Variants in CRYBG3 observed in about 807,000 individuals in gnomAD.
The protein encoded by CRYBG3 is very large A-kinase anchor protein.
In CRYBG3, 127 loss-of-function variants were observed where a neutral mutation model predicts 244.2. The observed-to-expected ratio is 0.52, with a 90% CI of 0.45 to 0.60. The LOEUF (loss-of-function observed/expected upper bound fraction) is 0.60, where lower values mean the gene tolerates loss of function less well. Among genes scored for constraint, CRYBG3 ranks in the 20% least tolerant of loss-of-function variants. CRYBG3 has a pLI of 0.00. For synonymous variants in CRYBG3, 1,132 were observed against 1,195.8 expected (o/e 0.95, Z 1.10); for missense variants, 3,325 against 3,442.5 (o/e 0.97, Z 0.85).
chr3:97,841,250 G>A (rs2038810559), intron 1 of CRYBG3, among the ~76,000 whole-genome samples: 1 of 141,396 alleles, frequency 7.1e-6, no homozygotes, highest in East Asian at 2.0e-4. Flanking sequence ...ATACATATAT[G>A]TATATATGTG....
chr3:97,942,786 T>TA (rs2040260181), intron 21 of CRYBG3: 1 of 225,504 alleles, frequency 4.4e-6, no homozygotes, highest in South Asian at 1.1e-4. Context: ...CCATGGTCCT[T>TA]AAAAACCCTC....
chr3:97,942,319 G>C lies in CRYBG3; in HGVS notation c.8700G>C (p.Arg2900=). ...CATGTCTTGATGTGATTGGTGGCCG[G>C]GACACACCTGGAGCTAAAGTAGCTC... ...SDTCLDVIGG[R]DTPGAKVALW... is the part of the protein sequence containing the mutation. The change falls in exon 21 of 22, where the codon CGG becomes CGC. Residue 2900 remains arginine (R), a synonymous_variant. Transcript: ENST00000389622. 6.2e-7 allele frequency: 1 copy of C among 1,611,124 alleles called. No homozygotes were observed. The highest frequency in any genetic ancestry group is 8.5e-7 in the Non-Finnish European group (1 of 1,178,244).
At chr3:97,896,793 A>G (rs1344890167) in intron 12 of CRYBG3, among the ~76,000 whole-genome samples, 2 of 152,152 alleles carry the variant, frequency 1.3e-5, no homozygotes, top group Admixed American at 1.3e-4. Context: ...TACAATGTGA[A>G]GGACAGCCCC....
At chr3:97,862,090 GT>G (rs5851082) in intron 2 of CRYBG3, among the ~76,000 whole-genome samples, 2 of 150,502 alleles carry the variant, frequency 1.3e-5, no homozygotes, top group African/African-American at 2.4e-5. Context: ...GGAGAAACAA[GT>G]TTTTTTTTTA....
intron 2 of CRYBG3, among the ~76,000 whole-genome samples, chr3:97,851,744 A>G (rs1477147079): frequency 6.6e-6 from 1 of 152,198 alleles, no homozygotes. Context: ...CAAGACCTTG[A>G]AGGCAATGCC....
rs2040270774 is a variant in CRYBG3, at chr3:97,943,210, G to A, written c.8825-16G>A. 6.9e-7 allele frequency: 1 copy of A among 1,439,528 alleles called. No individual in the cohort carries two copies. The highest frequency in any genetic ancestry group is 9.7e-7 in the Non-Finnish European group (1 of 1,032,278). The allele number at this position is 1,439,528 out of a possible 1,614,324, so 89.2% of individuals were successfully genotyped here. A position where few individuals can be genotyped will look rare whatever the true frequency, so the allele number is the denominator to read the frequency against. ...GCCTGAACAAATAATCTTTTCTTTT[G>A]GAATTTCTATTTTAGGAGGAAATTA... is the stretch of plus-strand genomic sequence containing the variant. On this transcript the variant is annotated splice_polypyrimidine_tract_variant and intron_variant, in intron 21 of 21. Coordinates refer to ENST00000389622, the MANE Select transcript of CRYBG3 (RefSeq NM_153605.4).
rs2039356609 is a variant in CRYBG3 at position 97,875,224 on chromosome 3, C to T, written c.4030C>T (p.Leu1344=). ...ACTTCAGGCTAATACTTCAAAAATT[C>T]TGAACAGTGATAGTGTTAAGCCACA... The part of the protein sequence containing the change: ...SELQANTSKI[L]NSDSVKPHDV... The change falls in exon 4 of 22, where the codon CTG becomes TTG. Residue 1344 remains leucine (L), a synonymous_variant. Transcript: ENST00000389622. The T allele has an allele frequency of 1.5e-5, 23 of 1,531,282 alleles. No homozygotes were observed. The highest frequency in any genetic ancestry group is 2.0e-5 in the Non-Finnish European group (23 of 1,145,162). 94.9% of individuals were successfully genotyped at this position (1,531,282 alleles called of 1,614,324 possible).
chr3:97,934,240 A>T (rs1173663158), intron 18 of CRYBG3, among the ~76,000 whole-genome samples: 1 of 152,102 alleles, frequency 6.6e-6, no homozygotes, highest in East Asian at 1.9e-4. Flanking sequence ...CATTTAGGTT[A>T]TCAGTCAGTC....
rs569177704 is a variant in CRYBG3 at position 97,864,462 on chromosome 3, G to A, written c.462G>A (p.Lys154=). Residue 154 remains lysine (K), a synonymous_variant, in exon 3 of 22, where the codon AAG becomes AAA. Transcript: ENST00000389622. The stretch of plus-strand genomic sequence containing the variant: ...AAGATGACCAGGATAAAACTGAGAA[G>A]GATTTACAAAATCCCAGTGACCATC... ...SFKDDQDKTE[K]DLQNPSDHHE... is the part of the protein sequence containing the mutation. 90 of 1,535,862 alleles carry A rather than the reference G, an allele frequency of 5.9e-5. 2 individuals carry two copies. Among genetic ancestry groups the A allele is most frequent in the African/African-American group, 5.1e-4 (37 of 73,136 alleles).
At chr3:97,882,026 T>C (rs1242372721) in intron 7 of CRYBG3, among the ~76,000 whole-genome samples, 2 of 151,826 alleles carry the variant, frequency 1.3e-5, no homozygotes, top group Admixed American at 1.3e-4. Flanking sequence ...CTGGCCAACA[T>C]GGTGAAACCC....
chr3:97,886,690 C>A lies in CRYBG3; in HGVS notation c.7212C>A (p.Val2404=), dbSNP rs752822963. The change falls in exon 8 of 22, where the codon GTC becomes GTA. Residue 2404 remains valine, a synonymous_variant. Transcript: ENST00000389622. ...FPQSDPACCP[V]YIQRAVPNLE... Reference sequence around the variant, plus strand: ...AATCTGACCCAGCCTGTTGTCCTGTCTACATACAGAGAGCAGTCCCCAATT... The same window carrying A: ...AATCTGACCCAGCCTGTTGTCCTGTATACATACAGAGAGCAGTCCCCAATT... 6.2e-7 allele frequency: 1 copy of A among 1,612,386 alleles called. No individual in the cohort carries two copies. Among genetic ancestry groups the A allele is most frequent in the Non-Finnish European group, 8.5e-7 (1 of 1,179,190 alleles).
In CRYBG3 at chr3:97,822,247, G is replaced by T; in HGVS notation, c.41G>T (p.Ser14Ile). 3 of 1,530,994 alleles carry T rather than the reference G, an allele frequency of 2.0e-6. No individual in the cohort carries two copies. The highest frequency in any genetic ancestry group is 1.7e-6 in the Non-Finnish European group (2 of 1,144,934). 94.8% of individuals were successfully genotyped at this position (1,530,994 alleles called of 1,614,324 possible). A position where few individuals can be genotyped will look rare whatever the true frequency, so the allele number is the denominator to read the frequency against. ...AGAAGGGGCAGCGCCCCCTGGCACA[G>T]CTTCTCCCGGTTCTTCGCTCCCCGA... ...GRRRGSAPWHSFSRFFAPRSP... is the reference protein window; with the variant it reads ...GRRRGSAPWHIFSRFFAPRSP... The change falls in exon 1 of 22, where the codon AGC becomes ATC. Residue 14 changes from serine to isoleucine, a missense_variant. Around this residue, in one of 4 missense-constraint regions of CRYBG3, gnomAD observed 1,526 missense variants for 1,443.2 expected, o/e 1.06. Coordinates refer to ENST00000389622, the MANE Select transcript of CRYBG3 (RefSeq NM_153605.4).
intron 1 of CRYBG3, among the ~76,000 whole-genome samples, chr3:97,831,178 C>CT (rs2038649188): frequency 6.6e-6 from 1 of 152,106 alleles, no homozygotes; most frequent in Non-Finnish European, 1.5e-5. Flanking sequence ...ATAGTAAATA[C>CT]TTTTTATGGG....
chr3:97,853,898 C>T (rs1040075991), intron 2 of CRYBG3, among the ~76,000 whole-genome samples: 2 of 152,078 alleles, frequency 1.3e-5, no homozygotes, highest in African/African-American at 4.8e-5. Context: ...AACTCTCTGC[C>T]TAAGTCAATG....
intron 17 of CRYBG3, among the ~76,000 whole-genome samples, chr3:97,927,076 A>G (rs2040048767): frequency 6.6e-6 from 1 of 152,074 alleles, no homozygotes; most frequent in African/African-American, 2.4e-5. Context: ...TCTAAAATTC[A>G]CATGGGAACC....
chr3:97,893,247 A>G (rs180735018), intron 11 of CRYBG3, among the ~76,000 whole-genome samples: 1 of 152,334 alleles, frequency 6.6e-6, no homozygotes, highest in Admixed American at 6.5e-5. Context: ...CACAGGATAG[A>G]CTATAAGAAT....
At chr3:97,922,692 G>C (rs140681365) in intron 17 of CRYBG3, among the ~76,000 whole-genome samples, 69,907 of 151,840 alleles carry the variant, frequency 0.46, 16,870 homozygotes, top group East Asian at 0.67. Flanking sequence ...GAAACAACAG[G>C]TGCTGGAGAG....
At chr3:97,841,386 A>G (rs1417859908) in intron 1 of CRYBG3, among the ~76,000 whole-genome samples, 1 of 151,704 alleles carries the variant, frequency 6.6e-6, no homozygotes, top group Non-Finnish European at 1.5e-5. Flanking sequence ...TAGAAGCTTT[A>G]AGGATCTGTT....
At chr3:97,917,220 A>T (rs910852370) in intron 17 of CRYBG3, among the ~76,000 whole-genome samples, 8 of 149,850 alleles carry the variant, frequency 5.3e-5, no homozygotes, top group Non-Finnish European at 1.0e-4. Context: ...GAAGTGTAAA[A>T]TGAAAAATTT....
Sources: allele counts gnomAD v4.1 joint callset (sites outside exome capture counted in the v4.1 genomes callset), GRCh38; gene constraint gnomAD v4.1.1; regional missense constraint gnomAD v4.1.1; transcripts MANE v1.5; gene names NCBI Gene and HGNC (gene_info 2026-07-23, HGNC 2026-07-21).